The following SLC4A4 variants were observed in gnomAD, a reference collection of about 807,000 sequenced individuals.
SLC4A4 encodes the protein electrogenic sodium bicarbonate cotransporter 1.
A neutral mutation model predicts 111.5 loss-of-function variants in SLC4A4; 27 were observed. The observed-to-expected ratio is 0.24, with a 90% confidence interval of 0.18 to 0.33. SLC4A4 has a LOEUF of 0.33. Among genes scored for constraint, SLC4A4 ranks in the 10% least tolerant of loss-of-function variants. The pLI, the probability that SLC4A4 is intolerant of heterozygous loss-of-function variation, is 1.00. For missense variants in SLC4A4, 909 were observed against 1,315.5 expected (o/e 0.69, Z 4.78); for synonymous variants, 443 against 463.4 (o/e 0.96, Z 0.57).
intron 3 of SLC4A4, among the ~76,000 whole-genome samples, chr4:71,309,263 A>G (rs1309519073): frequency 6.6e-6 from 1 of 152,142 alleles, no homozygotes; most frequent in East Asian, 1.9e-4. Context: ...CACCTGGGAG[A>G]AGGGGTGGCT....
In SLC4A4 at chr4:71,450,498, C is replaced by A; in HGVS notation, c.1163C>A (p.Ala388Glu). 2 of 1,613,598 alleles carry A rather than the reference C, an allele frequency of 1.2e-6. No individual in the cohort carries two copies. Among genetic ancestry groups the A allele is most frequent in the Non-Finnish European group, 8.5e-7 (1 of 1,179,848 alleles). Residue 388 changes from alanine to glutamate, a missense_variant, in exon 10 of 26, where the codon GCA (alanine) becomes GAA (glutamate). Physicochemically the swap from Ala to Glu is moderately radical, Grantham distance 107 (BLOSUM62 -1). This residue lies in a region of SLC4A4 where 312 missense variants were observed against 402.0 expected (regional missense o/e 0.78). Coordinates refer to ENST00000264485, the MANE Select transcript of SLC4A4 (RefSeq NM_001098484.3). ...IVLPPGEWDP[A>E]IRIEPPKSLP... Reference sequence around the variant, plus strand: ...CTTCCACCTGGGGAATGGGATCCAGCAATTAGGATAGAGCCTCCTAAGAGT... The same window carrying A: ...CTTCCACCTGGGGAATGGGATCCAGAAATTAGGATAGAGCCTCCTAAGAGT...
At chr4:71,401,184 G>A (rs1720325405) in intron 7 of SLC4A4, among the ~76,000 whole-genome samples, 1 of 152,158 alleles carries the variant, frequency 6.6e-6, no homozygotes, top group Non-Finnish European at 1.5e-5. Flanking sequence ...CAGAATTTGA[G>A]GGCATATTTT....
intron 3 of SLC4A4, among the ~76,000 whole-genome samples, chr4:71,325,342 T>C (rs1176124507): frequency 6.6e-6 from 1 of 152,026 alleles, no homozygotes; most frequent in Non-Finnish European, 1.5e-5. Flanking sequence ...TAGGAGGGTA[T>C]ATCAGGACTG....
intron 3 of SLC4A4, among the ~76,000 whole-genome samples, chr4:71,269,853 C>T (rs966588412): frequency 7.9e-5 from 12 of 152,124 alleles, no homozygotes; most frequent in South Asian, 2.1e-4. Context: ...ACTTTACTTA[C>T]GAGCTTTTTG....
chr4:71,382,721 T>A (rs1244612857), intron 6 of SLC4A4, among the ~76,000 whole-genome samples: 1 of 152,144 alleles, frequency 6.6e-6, no homozygotes, highest in Non-Finnish European at 1.5e-5. Flanking sequence ...TTAGATGAGT[T>A]CCAGTTGCCC....
intron 18 of SLC4A4, among the ~76,000 whole-genome samples, chr4:71,537,869 T>C (rs1734698801): frequency 6.6e-6 from 1 of 152,090 alleles, no homozygotes; most frequent in African/African-American, 2.4e-5. Context: ...CCTCCAAGGA[T>C]TGGCACGGTC....
chr4:71,172,263 T>C (rs939651866), intron 2 of SLC4A4, among the ~76,000 whole-genome samples: 7 of 151,360 alleles, frequency 4.6e-5, no homozygotes, highest in African/African-American at 1.2e-4. Context: ...TTCTTTCTTT[T>C]TTTTTTTTTT....
At chr4:71,241,405 A>G (rs1405096884) in intron 2 of SLC4A4, among the ~76,000 whole-genome samples, 2 of 152,172 alleles carry the variant, frequency 1.3e-5, no homozygotes, top group Non-Finnish European at 2.9e-5. Context: ...TCAAGACCTC[A>G]ACATTTTACA....
intron 16 of SLC4A4, among the ~76,000 whole-genome samples, chr4:71,507,504 A>G (rs1290068557): frequency 6.6e-6 from 1 of 152,232 alleles, no homozygotes; most frequent in Non-Finnish European, 1.5e-5. Context: ...AAAAGGTATT[A>G]CATAATGGTA....
chr4:71,466,419 A>G (rs368898322), intron 12 of SLC4A4, 25 bp from the exon 13 acceptor site: 4 of 1,612,766 alleles, frequency 2.5e-6, no homozygotes, highest in Non-Finnish European at 3.4e-6. Context: ...TGTTTCATTT[A>G]ACATCTATAT....
chr4:71,176,703 T>C (rs1368555780), intron 2 of SLC4A4, among the ~76,000 whole-genome samples: 3 of 152,180 alleles, frequency 2.0e-5, no homozygotes, highest in Non-Finnish European at 4.4e-5. Flanking sequence ...CTACGTCTGA[T>C]TGGTGTACCT....
At chr4:71,466,105 T>C (rs1336295117) in intron 12 of SLC4A4, among the ~76,000 whole-genome samples, 1 of 152,134 alleles carries the variant, frequency 6.6e-6, no homozygotes, top group Non-Finnish European at 1.5e-5. Flanking sequence ...ACCAAGTCAC[T>C]TCTAACCATT....
chr4:71,255,120 G>A (rs1721348496), intron 2 of SLC4A4, 100 bp from the exon 3 acceptor site: 2 of 1,153,624 alleles, frequency 1.7e-6, no homozygotes, highest in Non-Finnish European at 2.6e-6. Context: ...TGGTAACGTT[G>A]AATTTATAGA....
At chr4:71,448,057 C>T (rs1725394087) in intron 9 of SLC4A4, among the ~76,000 whole-genome samples, 2 of 152,214 alleles carry the variant, frequency 1.3e-5, no homozygotes, top group African/African-American at 2.4e-5. Flanking sequence ...TGGTGGCTCA[C>T]GCCTGTAATC....
At chr4:71,203,185 A>G (rs1328829767) in intron 1 of SLC4A4, among the ~76,000 whole-genome samples, 1 of 152,156 alleles carries the variant, frequency 6.6e-6, no homozygotes, top group Admixed American at 6.5e-5. Flanking sequence ...TTCTCCTTTT[A>G]GAAAGATGAC....
At chr4:71,177,987 C>T (rs1223651054) in intron 2 of SLC4A4, among the ~76,000 whole-genome samples, 2 of 152,148 alleles carry the variant, frequency 1.3e-5, no homozygotes, top group Non-Finnish European at 2.9e-5. Flanking sequence ...GTCTCTTAGA[C>T]CACAGTGCAA....
intron 2 of SLC4A4, among the ~76,000 whole-genome samples, chr4:71,153,033 G>GTGTGTATATATATA (rs386400441): frequency 9.0e-5 from 12 of 132,726 alleles, no homozygotes; most frequent in African/African-American, 3.1e-4. Context: ...ATATGTGTGT[G>GTGTGTATATATATA]TATATATATA....
intron 3 of SLC4A4, among the ~76,000 whole-genome samples, chr4:71,334,507 C>T (rs537938190): frequency 6.6e-6 from 1 of 152,238 alleles, no homozygotes; most frequent in East Asian, 1.9e-4. Context: ...TTCTTGGCTT[C>T]CCAAGCTGGT....
At chr4:71,240,976 G>C (rs892335924) in intron 2 of SLC4A4, among the ~76,000 whole-genome samples, 1 of 151,628 alleles carries the variant, frequency 6.6e-6, no homozygotes, top group Non-Finnish European at 1.5e-5. Context: ...AAAAAAAATA[G>C]CTGGGTGTTG....
Sources: allele counts gnomAD v4.1 joint callset (sites outside exome capture counted in the v4.1 genomes callset), GRCh38; gene constraint gnomAD v4.1.1; regional missense constraint gnomAD v4.1.1; transcripts MANE v1.5; gene names NCBI Gene and HGNC (gene_info 2026-07-23, HGNC 2026-07-21).